ZNF334: variants seen among roughly 807,000 people sequenced by gnomAD.
ZNF334 encodes the protein zinc finger protein 334.
In ZNF334, 14 loss-of-function variants were observed where a neutral mutation model predicts 12.4. The ratio of observed to expected loss-of-function variants is 1.13; its 90% confidence interval spans 0.74 to 1.76. The LOEUF is 1.76. Among genes scored for constraint, ZNF334 ranks in the 40% most tolerant of loss-of-function variants. The pLI, the probability that ZNF334 is intolerant of heterozygous loss-of-function variation, is 0.00. For missense variants in ZNF334, 797 were observed against 804.5 expected (o/e 0.99, Z 0.11); for synonymous variants, 273 against 269.6 (o/e 1.01, Z -0.12).
chr20:46,476,848 T>A, the ZNF334 span: 1 of 152,204 alleles, frequency 6.6e-6, no homozygotes, highest in Non-Finnish European at 1.5e-5. Flanking sequence ...TGTTAAGACG[T>A]CCAGTCCTGG....
At chr20:46,504,164 T>A (rs375291564) in intron 4 of ZNF334, 50 bp downstream of exon 4, 37 of 1,324,974 alleles carry the variant, frequency 2.8e-5, no homozygotes, top group South Asian at 2.7e-4. Flanking sequence ...CCGACCACCA[T>A]GGAACTCTCA....
intron 2 of ZNF334, among the ~76,000 whole-genome samples, chr20:46,510,385 C>G (rs1300918835): frequency 6.6e-6 from 1 of 151,830 alleles, no homozygotes; most frequent in Non-Finnish European, 1.5e-5. Context: ...ACAACATTAG[C>G]AAGCTCGACA....
At chr20:46,481,586 T>C in the ZNF334 span, among the ~76,000 whole-genome samples, 3 of 152,162 alleles carry the variant, frequency 2.0e-5, no homozygotes, top group African/African-American at 4.8e-5. Flanking sequence ...CTTGCATGTG[T>C]TGGCAGCGCA....
the ZNF334 span, among the ~76,000 whole-genome samples, chr20:46,468,766 C>T: frequency 3.3e-5 from 5 of 152,134 alleles, no homozygotes; most frequent in Admixed American, 2.6e-4. Context: ...TGGAGAGGGG[C>T]TTTTGCTTCT....
At chr20:46,508,044 C>CTTCA (rs2061499270) in intron 2 of ZNF334, among the ~76,000 whole-genome samples, 1 of 152,190 alleles carries the variant, frequency 6.6e-6, no homozygotes, top group African/African-American at 2.4e-5. Flanking sequence ...ACCCAGTGCA[C>CTTCA]TTCATAGCAG....
rs750705004 is a variant in ZNF334, at chr20:46,501,542, T to C, written c.1797A>G (p.Pro599=). The C allele has an allele frequency of 1.9e-6, 3 of 1,613,748 alleles. No individual in the cohort carries two copies. Among genetic ancestry groups the C allele is most frequent in the Non-Finnish European group, 2.5e-6 (3 of 1,179,872 alleles). The change falls in exon 5 of 5, where the codon CCA becomes CCG. Residue 599 remains proline (P), a synonymous_variant. Coordinates refer to ENST00000692313, the MANE Select transcript of ZNF334 (RefSeq NM_001353824.2). The part of the protein sequence containing the change: ...EHQRTHTGEK[P]YECNECGKSF... ...ATTTCCCACATTCATTACATTCATA[T>C]GGTTTCTCCCCAGTGTGAGTTCGCT...
chr20:46,503,052 T>C lies in ZNF334; in HGVS notation c.287A>G (p.His96Arg). 1 of 1,610,288 alleles carries C rather than the reference T, an allele frequency of 6.2e-7. No individual in the cohort carries two copies. ...LEKNKEIQDKHLTQTVFFSNK... is the reference protein window; with the variant it reads ...LEKNKEIQDKRLTQTVFFSNK... ...GCTGAAGAATACAGTTTGTGTCAAA[T>C]GTTTATCTTGGATTTCCTTGTTCTT... Residue 96 changes from histidine (H) to arginine (R), a missense_variant, in exon 5 of 5, where the codon CAT (histidine) becomes CGT (arginine). Transcript: ENST00000692313.
the ZNF334 span, among the ~76,000 whole-genome samples, chr20:46,465,652 G>A: frequency 6.6e-6 from 1 of 152,196 alleles, no homozygotes; most frequent in East Asian, 1.9e-4. Context: ...GTGAGTCTGA[G>A]TGGTCAAGGC....
At chr20:46,511,268 G>A (rs562791280) in intron 2 of ZNF334, among the ~76,000 whole-genome samples, 15 of 151,140 alleles carry the variant, frequency 9.9e-5, no homozygotes, top group South Asian at 2.1e-4. Context: ...GAGCTACAAA[G>A]AGAATCATGT....
At chr20:46,482,043 T>C in the ZNF334 span, among the ~76,000 whole-genome samples, 29,129 of 152,086 alleles carry the variant, frequency 0.19, 2,957 homozygotes, top group African/African-American at 0.25. Flanking sequence ...TGCTATGTTG[T>C]TGGCTTTGAA....
At chr20:46,474,232 G>A in the ZNF334 span, among the ~76,000 whole-genome samples, 2 of 152,130 alleles carry the variant, frequency 1.3e-5, no homozygotes, top group Non-Finnish European at 2.9e-5. Context: ...AATTAGCTGA[G>A]TGTGGTGGCA....
chr20:46,496,201 T>G (rs1230130107), downstream of ZNF334, among the ~76,000 whole-genome samples: 1 of 152,182 alleles, frequency 6.6e-6, no homozygotes, highest in African/African-American at 2.4e-5. Flanking sequence ...ACGGTCTCCA[T>G]GACGCACTAG....
In ZNF334 at chr20:46,501,357, C is replaced by T. The variant is rs755387806; in HGVS notation, c.1982G>A (p.Cys661Tyr). The T allele has an allele frequency of 1.9e-6, 3 of 1,613,824 alleles. No homozygotes were observed. The Admixed American group carries it at 5.0e-5, about 27-fold the overall frequency. ...TGATTTGTGGCGAAATGTTTTCTCA[C>T]ATTTGTTACATTCATAAGGTTTCTC... is the stretch of plus-strand genomic sequence containing the variant. The part of the protein sequence containing the change: ...TGEKPYECNK[C>Y]EKTFRHKSNF... Residue 661 changes from cysteine (C) to tyrosine (Y), a missense_variant, in exon 5 of 5, where the codon TGT (cysteine) becomes TAT (tyrosine). Cys to Tyr is a radical substitution (Grantham distance 194). Coordinates refer to ENST00000692313, the MANE Select transcript of ZNF334 (RefSeq NM_001353824.2).
chr20:46,488,805 T>G, the ZNF334 span, among the ~76,000 whole-genome samples: 130 of 65,006 alleles, frequency 2.0e-3, no homozygotes, highest in African/African-American at 7.1e-3. Context: ...TAGTTAATAG[T>G]TTTTTTTTTT....
At chr20:46,486,870 A>G in the ZNF334 span, among the ~76,000 whole-genome samples, 3 of 152,074 alleles carry the variant, frequency 2.0e-5, no homozygotes, top group Non-Finnish European at 4.4e-5. Context: ...TTTAATTCTC[A>G]TTTCCCTAAT....
chr20:46,496,248 C>T (rs1180484486), downstream of ZNF334, among the ~76,000 whole-genome samples: 1 of 152,178 alleles, frequency 6.6e-6, no homozygotes, highest in Non-Finnish European at 1.5e-5. Flanking sequence ...ACCAGTCTTT[C>T]CTAAGGCATG....
At chr20:46,510,806 T>C (rs906295790) in intron 2 of ZNF334, among the ~76,000 whole-genome samples, 1 of 150,482 alleles carries the variant, frequency 6.6e-6, no homozygotes, top group African/African-American at 2.4e-5. Context: ...CTTGTCTCGC[T>C]GGTCAGATGG....
In ZNF334 at chr20:46,500,454, T is replaced by C. The variant is rs1035587147; in HGVS notation, c.*842A>G. 1.3e-5 allele frequency: 2 copies of C among 152,246 alleles called. No individual in the cohort carries two copies. The highest frequency in any genetic ancestry group is 2.9e-5 in the Non-Finnish European group (2 of 68,046). 9.4% of individuals were successfully genotyped at this position (152,246 alleles called of 1,614,324 possible). ...GTTGATTAGGAAATCCAAGAGATTT[T>C]TGAAAACATACTAATTGACATAAAC... On this transcript the variant is annotated 3_prime_UTR_variant, in exon 5 of 5. Coordinates refer to ENST00000692313, the MANE Select transcript of ZNF334 (RefSeq NM_001353824.2).
chr20:46,497,717 C>G (rs1449996795), downstream of ZNF334, among the ~76,000 whole-genome samples: 4 of 152,312 alleles, frequency 2.6e-5, no homozygotes, highest in South Asian at 2.1e-4. Flanking sequence ...AAAACTGAAA[C>G]TAAATGTGTC....
Sources: allele counts gnomAD v4.1 joint callset (sites outside exome capture counted in the v4.1 genomes callset), GRCh38; gene constraint gnomAD v4.1.1; transcripts MANE v1.5; gene names NCBI Gene and HGNC (gene_info 2026-07-23, HGNC 2026-07-21).